The following TUT7 variants were observed in gnomAD, a reference collection of about 807,000 sequenced individuals.
The protein encoded by TUT7 is terminal uridylyltransferase 7.
A neutral mutation model predicts 165.9 loss-of-function variants in TUT7; 33 were observed. The observed-to-expected ratio is 0.20, with a 90% CI of 0.15 to 0.27. The LOEUF is 0.27. Among genes scored for constraint, TUT7 ranks in the 10% least tolerant of loss-of-function variants. The probability of loss-of-function intolerance (pLI) is 1.00; values close to 1 mark genes in which losing one functional copy is unlikely to be tolerated. For missense variants in TUT7, 1,338 were observed against 1,762.3 expected, an observed-to-expected ratio of 0.76 and a Z score of 4.31; for synonymous variants, 552 against 608.1, an observed-to-expected ratio of 0.91 and a Z score of 1.36.
chr9:86,305,061 T>G, intron 23 of TUT7, 114 bp from the exon 24 acceptor site: 1 of 1,169,468 alleles, frequency 8.6e-7, no homozygotes, highest in African/African-American at 1.6e-5. Flanking sequence ...TCTGGGAGGC[T>G]GGGGTAGGTG....
At chr9:86,328,300 G>A (rs776938337) in intron 11 of TUT7, 40 bp downstream of exon 11, 2 of 1,511,046 alleles carry the variant, frequency 1.3e-6, no homozygotes, top group Non-Finnish European at 1.8e-6. Context: ...CTTCACAATT[G>A]GCAAGTGAAA....
Position 86,345,699 on chromosome 9 carries a change from G to A in TUT7, c.789C>T (p.Ile263=). The A allele has an allele frequency of 6.2e-7, 1 of 1,613,172 alleles. No individual in the cohort carries two copies. The change falls in exon 4 of 27, where the codon ATC becomes ATT. Residue 263 remains isoleucine, a synonymous_variant. Coordinates refer to ENST00000375963, the MANE Select transcript of TUT7 (RefSeq NM_024617.4). ...IESIAFAHKH[I]KEKRHKKNIK... ...TGTTTTTCTTGTGCCTCTTTTCCTTGATATGCTTATGGGCAAATGCAATGG... is the reference window on the plus strand; with the variant it reads ...TGTTTTTCTTGTGCCTCTTTTCCTTAATATGCTTATGGGCAAATGCAATGG...
At chr9:86,321,660 T>TA (rs1313135327) in intron 14 of TUT7, among the ~76,000 whole-genome samples, 34 of 152,098 alleles carry the variant, frequency 2.2e-4, no homozygotes, top group African/African-American at 8.2e-4. Context: ...GTCCAGGAGT[T>TA]AGAGGCTGTG....
chr9:86,324,503 C>T (rs1359326302), intron 12 of TUT7: 2 of 152,474 alleles, frequency 1.3e-5, no homozygotes, highest in African/African-American at 4.8e-5. Context: ...GGCAATTGGC[C>T]AGAAGAGCTG....
chr9:86,333,015 TGA>T (rs970237732), intron 10 of TUT7, among the ~76,000 whole-genome samples: 3 of 152,186 alleles, frequency 2.0e-5, no homozygotes, highest in African/African-American at 7.2e-5. Context: ...TCTTTTCCTT[TGA>T]GAGTAGGTCT....
chr9:86,325,958 C>T (rs1829751351), intron 11 of TUT7, among the ~76,000 whole-genome samples: 1 of 152,140 alleles, frequency 6.6e-6, no homozygotes, highest in Non-Finnish European at 1.5e-5. Flanking sequence ...CTCTCACTGC[C>T]CTGAGAAGCT....
intron 26 of TUT7, among the ~76,000 whole-genome samples, chr9:86,290,033 A>G (rs143556940): frequency 6.6e-6 from 1 of 152,278 alleles, no homozygotes; most frequent in East Asian, 1.9e-4. Flanking sequence ...ATACCCCACC[A>G]ATCATGTATT....
Position 86,288,468 on chromosome 9 carries a change from C to T in TUT7, c.*209G>A. On this transcript the variant is annotated 3_prime_UTR_variant, in exon 27 of 27. Transcript: ENST00000375963. ...TACATCATGTCTTTCTATTAAAATCCTTAAATCTATGGGGATGTGTGGTAG... is the reference window on the plus strand; with the variant it reads ...TACATCATGTCTTTCTATTAAAATCTTTAAATCTATGGGGATGTGTGGTAG... 3 of 380,366 alleles carry T rather than the reference C, an allele frequency of 7.9e-6. No individual in the cohort carries two copies. The highest frequency in any genetic ancestry group is 4.0e-5 in the Admixed American group (1 of 24,772). The allele number at this position is 380,366 out of a possible 1,614,324, so 23.6% of individuals were successfully genotyped here.
chr9:86,310,884 A>G (rs1827985891), intron 17 of TUT7, 75 bp from the exon 18 acceptor site: 2 of 858,082 alleles, frequency 2.3e-6, no homozygotes, highest in Non-Finnish European at 1.9e-6. Context: ...TAATGTTCCA[A>G]TATAAAATGG....
At chr9:86,334,462 C>T (rs191247009) in intron 10 of TUT7, among the ~76,000 whole-genome samples, 1 of 152,276 alleles carries the variant, frequency 6.6e-6, no homozygotes, top group East Asian at 1.9e-4. Context: ...TTTTTCTACC[C>T]TAGTATTGGC....
intron 26 of TUT7, among the ~76,000 whole-genome samples, chr9:86,297,921 C>CTTTTTTTTTTTTTTTTTTTTTTTTTTT (rs59651352): frequency 8.1e-5 from 7 of 86,498 alleles, no homozygotes; most frequent in Non-Finnish European, 1.0e-4. Flanking sequence ...GCCTGCTCCA[C>CTTTTTTTTTTTTTTTTTTTTTTTTTTT]TTTTTTTTTT....
intron 25 of TUT7, 75 bp downstream of exon 25, chr9:86,303,006 TTGTTA>T (rs1223659491): frequency 3.2e-6 from 2 of 626,582 alleles, no homozygotes; most frequent in Non-Finnish European, 5.6e-6. Flanking sequence ...TGTATTTTCT[TTGTTA>T]TAATAGTACC....
intron 4 of TUT7, 33 bp from the exon 5 acceptor site, chr9:86,345,187 C>T: frequency 6.3e-7 from 1 of 1,583,132 alleles, no homozygotes; most frequent in Non-Finnish European, 8.6e-7. Context: ...TTAAAAATGA[C>T]TTACACATAG....
chr9:86,293,596 T>G (rs1248111985), intron 26 of TUT7, among the ~76,000 whole-genome samples: 2 of 152,194 alleles, frequency 1.3e-5, no homozygotes, highest in Non-Finnish European at 2.9e-5. Context: ...TGTCACTGAC[T>G]CTCCGGGATT....
At chr9:86,316,492 C>G (rs894678535) in intron 17 of TUT7, among the ~76,000 whole-genome samples, 1 of 152,160 alleles carries the variant, frequency 6.6e-6, no homozygotes, top group African/African-American at 2.4e-5. Context: ...GCTTGTTGAG[C>G]AGAACAGCTG....
intron 26 of TUT7, among the ~76,000 whole-genome samples, chr9:86,289,032 G>A (rs1341515053): frequency 1.3e-5 from 2 of 152,100 alleles, no homozygotes; most frequent in Admixed American, 1.3e-4. Context: ...AGCACCAGAC[G>A]AACTTAAGGT....
chr9:86,333,461 A>G (rs922132937), intron 10 of TUT7, among the ~76,000 whole-genome samples: 2 of 152,138 alleles, frequency 1.3e-5, no homozygotes, highest in Non-Finnish European at 1.5e-5. Context: ...TTCTGTTGCT[A>G]TCACTTCATA....
intron 14 of TUT7, among the ~76,000 whole-genome samples, chr9:86,322,123 A>G (rs967075973): frequency 1.3e-5 from 2 of 152,064 alleles, no homozygotes; most frequent in Non-Finnish European, 2.9e-5. Flanking sequence ...TCCTCCCTGC[A>G]TCTCTCCTCA....
At chr9:86,293,176 G>A (rs576323979) in intron 26 of TUT7, among the ~76,000 whole-genome samples, 5 of 152,276 alleles carry the variant, frequency 3.3e-5, no homozygotes, top group East Asian at 3.9e-4. Flanking sequence ...AAACTGGGCC[G>A]GGTGGAGTGG....
Sources: gnomAD v4.1 joint callset for allele counts (sites outside exome capture counted in the v4.1 genomes callset) on GRCh38, gnomAD v4.1.1 for gene constraint, MANE v1.5 for transcripts, NCBI Gene and HGNC (gene_info 2026-07-23, HGNC 2026-07-21) for gene names.